Variants in WDR73 observed in about 807,000 individuals in gnomAD.
WDR73 encodes the protein integrator complex assembly factor WDR73.
In WDR73, 30 loss-of-function variants were observed where a neutral mutation model predicts 38.2. The ratio of observed to expected loss-of-function variants is 0.79; its 90% CI spans 0.59 to 1.06. WDR73 has a LOEUF of 1.06. Among genes scored for constraint, WDR73 ranks in the 50% least tolerant of loss-of-function variants. The probability of loss-of-function intolerance (pLI) is 0.00; values close to 1 mark genes in which losing one functional copy is unlikely to be tolerated. For synonymous variants in WDR73, 197 were observed against 176.0 expected, an observed-to-expected ratio of 1.12 and a Z score of -0.94; for missense variants, 487 against 467.0, an observed-to-expected ratio of 1.04 and a Z score of -0.40.
chr15:84,646,069 C>T, intron 6 of WDR73, 115 bp downstream of exon 6: 1 of 1,561,424 alleles, frequency 6.4e-7, no homozygotes, highest in Non-Finnish European at 8.7e-7. Flanking sequence ...CTCTTATTCA[C>T]TGTGTATCCC....
intron 2 of WDR73, 119 bp downstream of exon 2, chr15:84,653,513 A>T (rs528342157): frequency 1.4e-6 from 1 of 695,594 alleles, no homozygotes; most frequent in South Asian, 1.6e-5. Flanking sequence ...GGGGCATCAA[A>T]TTGCTACAAG....
intron 7 of WDR73, 46 bp downstream of exon 7, chr15:84,645,424 TG>T (rs764159842): frequency 4.5e-5 from 73 of 1,605,120 alleles, no homozygotes; most frequent in Non-Finnish European, 6.1e-5. Context: ...AACAGTCTCC[TG>T]GAAGAAAGAG....
intron 7 of WDR73, chr15:84,645,091 C>T (rs1896403613): frequency 4.6e-6 from 3 of 657,798 alleles, no homozygotes; most frequent in Non-Finnish European, 4.1e-6. Context: ...GCTGGGACTA[C>T]AGGCGCCTGC....
At chr15:84,645,222 C>G in intron 7 of WDR73, 1 of 1,385,316 alleles carries the variant, frequency 7.2e-7, no homozygotes, top group East Asian at 2.9e-5. Context: ...TGTCTGCAGG[C>G]CCCTCCACCA....
chr15:84,645,865 C>T (rs766073837), intron 6 of WDR73, 29 bp from the exon 7 acceptor site: 8 of 1,612,876 alleles, frequency 5.0e-6, no homozygotes, highest in African/African-American at 2.7e-5. Flanking sequence ...AGGAGACAAG[C>T]GGCTGGAGGC....
At chr15:84,653,938 A>G in intron 1 of WDR73, 1 of 603,736 alleles carries the variant, frequency 1.7e-6, no homozygotes, top group Non-Finnish European at 2.9e-6. Context: ...TGACGTGAGG[A>G]ATCAATGAGA....
intron 5 of WDR73, chr15:84,647,502 C>CT (rs980271381): frequency 5.8e-3 from 1,057 of 183,580 alleles, no homozygotes; most frequent in East Asian, 0.012. Flanking sequence ...TCTACTACTA[C>CT]TTTTTTTTTT....
rs761668603 is a variant in WDR73, at chr15:84,642,485, G to C, written c.*985C>G. 2.0e-5 allele frequency: 3 copies of C among 152,098 alleles called. No individual in the cohort carries two copies. Among genetic ancestry groups the C allele is most frequent in the Non-Finnish European group, 2.9e-5 (2 of 68,052 alleles). 9.4% of individuals were successfully genotyped at this position (152,098 alleles called of 1,614,324 possible). On this transcript the variant is annotated 3_prime_UTR_variant, in exon 8 of 8. Coordinates refer to ENST00000434634, the MANE Select transcript of WDR73 (RefSeq NM_032856.5). ...ACTTATCTATTTTGTGTGTGTGTGT[G>C]TAACAGGGTCTCATTCTGTTGCCCA...
chr15:84,650,991 T>C (rs1418853142), intron 3 of WDR73, among the ~76,000 whole-genome samples: 1 of 151,992 alleles, frequency 6.6e-6, no homozygotes, highest in Non-Finnish European at 1.5e-5. Flanking sequence ...GGCACATGCC[T>C]GTGGTCCCAA....
At chr15:84,644,651 TC>T (rs1174357744) in intron 7 of WDR73, 5 of 146,588 alleles carry the variant, frequency 3.4e-5, no homozygotes, top group African/African-American at 5.1e-5. Flanking sequence ...TCATCTCAGC[TC>T]ACTGCAACCT....
chr15:84,646,386 A>T (rs781245414), intron 5 of WDR73, 38 bp from the exon 6 acceptor site: 1 of 1,584,570 alleles, frequency 6.3e-7, no homozygotes, highest in Non-Finnish European at 8.6e-7. Context: ...CAGAACTTTA[A>T]TGAAGGTTTG....
At chr15:84,646,403 G>A in intron 5 of WDR73, 55 bp from the exon 6 acceptor site, 1 of 1,564,012 alleles carries the variant, frequency 6.4e-7, no homozygotes, top group Non-Finnish European at 8.7e-7. Flanking sequence ...TTTGAAACAT[G>A]ACAGGCTGCC....
chr15:84,645,222 C>T, intron 7 of WDR73: 2 of 1,385,316 alleles, frequency 1.4e-6, no homozygotes, highest in South Asian at 2.9e-5. Context: ...TGTCTGCAGG[C>T]CCCTCCACCA....
At chr15:84,646,137 G>A in intron 6 of WDR73, 47 bp downstream of exon 6, 1 of 1,611,752 alleles carries the variant, frequency 6.2e-7, no homozygotes, top group Non-Finnish European at 8.5e-7. Flanking sequence ...TGGGCTGGGG[G>A]GTGATGCCGG....
rs896145476 is a variant in WDR73, at chr15:84,643,987, C to G, written c.884-264G>C. 4 of 356,032 alleles carry G rather than the reference C, an allele frequency of 1.1e-5. No homozygotes were observed. In the Admixed American group the frequency reaches 1.4e-4, roughly 12 times the overall value. 22.1% of individuals were successfully genotyped at this position (356,032 alleles called of 1,614,324 possible). On this transcript the variant is annotated intron_variant, in intron 7 of 7. Coordinates refer to ENST00000434634, the MANE Select transcript of WDR73 (RefSeq NM_032856.5). Reference sequence around the variant, plus strand: ...ATCAAGGCACTTAAAAGGCTAACCACGGGCAAGTAGCATCTGCCCTCAGTG... The same window carrying G: ...ATCAAGGCACTTAAAAGGCTAACCAGGGGCAAGTAGCATCTGCCCTCAGTG...
Position 84,648,518 on chromosome 15 carries a change from A to T in WDR73, c.287+19T>A, listed in dbSNP as rs1896531745. 6.3e-6 allele frequency: 10 copies of T among 1,597,068 alleles called. No homozygotes were observed. In the East Asian group the frequency reaches 2.2e-4, roughly 36 times the overall value. On this transcript the variant is annotated intron_variant, in intron 4 of 7. Coordinates refer to ENST00000434634, the MANE Select transcript of WDR73 (RefSeq NM_032856.5). ...CATCCCATCCTGTGTGGATGGCTGGATCACAAAATTGACCATACCTGGTAT... is the reference window on the plus strand; with the variant it reads ...CATCCCATCCTGTGTGGATGGCTGGTTCACAAAATTGACCATACCTGGTAT...
chr15:84,643,870 G>A (rs375530533), intron 7 of WDR73, 147 bp from the exon 8 acceptor site: 17 of 999,130 alleles, frequency 1.7e-5, no homozygotes, highest in Non-Finnish European at 2.4e-5. Context: ...TCCCATCTCA[G>A]CCTCCCAAAA....
Position 84,641,404 on chromosome 15 carries a change from C to T in WDR73, c.*2066G>A, listed in dbSNP as rs557010685. On this transcript the variant is annotated 3_prime_UTR_variant, in exon 8 of 8. Coordinates refer to ENST00000434634, the MANE Select transcript of WDR73 (RefSeq NM_032856.5). ...TTACTATTCTGTGGTGTGGAAAGCA[C>T]AGGACTTGAGAAGCAGGTGGCACCC... 5 of 152,344 alleles carry T rather than the reference C, an allele frequency of 3.3e-5. No homozygotes were observed. The East Asian group carries it at 9.6e-4, about 29-fold the overall frequency. 9.4% of individuals were successfully genotyped at this position (152,344 alleles called of 1,614,324 possible).
Position 84,641,375 on chromosome 15 carries a change from C to G in WDR73, c.*2095G>C, listed in dbSNP as rs1458514300. 5.9e-5 allele frequency: 9 copies of G among 152,220 alleles called. No individual in the cohort carries two copies. Among genetic ancestry groups the G allele is most frequent in the Non-Finnish European group, 1.3e-4 (9 of 68,060 alleles). 9.4% of individuals were successfully genotyped at this position (152,220 alleles called of 1,614,324 possible). ...AGGGGAACCAGGCACTCAGTGCACC[C>G]AGTTTACTATTCTGTGGTGTGGAAA... On this transcript the variant is annotated 3_prime_UTR_variant, in exon 8 of 8. Coordinates refer to ENST00000434634, the MANE Select transcript of WDR73 (RefSeq NM_032856.5).
Sources: allele counts gnomAD v4.1 joint callset (sites outside exome capture counted in the v4.1 genomes callset), GRCh38; gene constraint gnomAD v4.1.1; transcripts MANE v1.5; gene names NCBI Gene and HGNC (gene_info 2026-07-23, HGNC 2026-07-21).